RNGTT: variants seen among roughly 807,000 people sequenced by gnomAD.
RNGTT encodes the protein mRNA-capping enzyme.
Under a neutral mutation model 79.3 loss-of-function variants are expected in RNGTT, and 33 were observed. That is an observed-to-expected ratio of 0.42 (90% confidence interval 0.32 to 0.56). The LOEUF is 0.56. Among genes scored for constraint, RNGTT ranks in the 20% least tolerant of loss-of-function variants. RNGTT has a pLI of 0.17. For synonymous variants in RNGTT, 222 were observed against 235.9 expected, an observed-to-expected ratio of 0.94 and a Z score of 0.54; for missense variants, 497 against 739.1, an observed-to-expected ratio of 0.67 and a Z score of 3.80.
At chr6:88,886,331 A>G (rs1243817545) in intron 8 of RNGTT, among the ~76,000 whole-genome samples, 1 of 152,218 alleles carries the variant, frequency 6.6e-6, no homozygotes, top group Non-Finnish European at 1.5e-5. Context: ...TTGCAGAAAA[A>G]AGAAGAGACA....
At chr6:88,781,763 A>G (rs1779071459) in intron 12 of RNGTT, among the ~76,000 whole-genome samples, 1 of 152,092 alleles carries the variant, frequency 6.6e-6, no homozygotes, top group Non-Finnish European at 1.5e-5. Flanking sequence ...TAAACAAAAA[A>G]CTAGTTCATC....
intron 13 of RNGTT, among the ~76,000 whole-genome samples, chr6:88,683,348 G>A (rs1352642120): frequency 1.3e-5 from 2 of 151,992 alleles, no homozygotes; most frequent in Admixed American, 6.6e-5. Context: ...AGTTTCAAAA[G>A]TCAGAATAGA....
chr6:88,637,471 A>T (rs1174383469), intron 14 of RNGTT, among the ~76,000 whole-genome samples: 1 of 152,080 alleles, frequency 6.6e-6, no homozygotes, highest in East Asian at 1.9e-4. Context: ...TTTGAAACAG[A>T]ACGCTTTGAT....
intron 11 of RNGTT, among the ~76,000 whole-genome samples, chr6:88,838,861 C>T (rs182287465): frequency 4.7e-4 from 71 of 152,176 alleles, no homozygotes; most frequent in Non-Finnish European, 9.1e-4. Flanking sequence ...TCAAGATTTA[C>T]AACAACCAAA....
At chr6:88,810,238 A>G (rs1202663361) in intron 11 of RNGTT, among the ~76,000 whole-genome samples, 1 of 152,190 alleles carries the variant, frequency 6.6e-6, no homozygotes, top group Non-Finnish European at 1.5e-5. Flanking sequence ...CTCCCCTCCT[A>G]AGGCTAAGAC....
intron 1 of RNGTT, among the ~76,000 whole-genome samples, chr6:88,955,171 T>G (rs1785385532): frequency 1.3e-5 from 2 of 152,188 alleles, no homozygotes; most frequent in Admixed American, 6.5e-5. Context: ...TTAAAAATTT[T>G]TTGAACTGAA....
chr6:88,758,784 A>G (rs1218969052), intron 13 of RNGTT, among the ~76,000 whole-genome samples: 1 of 152,242 alleles, frequency 6.6e-6, no homozygotes, highest in Non-Finnish European at 1.5e-5. Flanking sequence ...CCACAGAAAG[A>G]CATTTACAAC....
chr6:88,681,993 A>AAAG (rs1775111362), intron 13 of RNGTT, among the ~76,000 whole-genome samples: 1 of 152,160 alleles, frequency 6.6e-6, no homozygotes, highest in African/African-American at 2.4e-5. Flanking sequence ...CCAAACACAA[A>AAAG]CATTAACCAA....
chr6:88,909,620 G>A (rs993644577), intron 4 of RNGTT, among the ~76,000 whole-genome samples: 19 of 152,174 alleles, frequency 1.2e-4, no homozygotes, highest in Non-Finnish European at 2.2e-4. Context: ...GCCAGTAGCT[G>A]AGGGGGATAC....
chr6:88,885,733 G>C (rs1239509629), intron 8 of RNGTT, among the ~76,000 whole-genome samples: 1 of 152,140 alleles, frequency 6.6e-6, no homozygotes, highest in East Asian at 1.9e-4. Flanking sequence ...AATAAATAAA[G>C]TACAAACCAA....
chr6:88,773,901 G>A (rs1217184813), intron 12 of RNGTT, among the ~76,000 whole-genome samples: 1 of 152,106 alleles, frequency 6.6e-6, no homozygotes, highest in African/African-American at 2.4e-5. Context: ...AGATTTGGCA[G>A]TAGATTTTTA....
intron 10 of RNGTT, among the ~76,000 whole-genome samples, chr6:88,846,984 T>C (rs1475299251): frequency 6.6e-6 from 1 of 152,156 alleles, no homozygotes; most frequent in Non-Finnish European, 1.5e-5. Flanking sequence ...TTTCTTTACA[T>C]TTATATTTCA....
At chr6:88,907,195 T>C (rs539163370) in intron 4 of RNGTT, among the ~76,000 whole-genome samples, 1 of 152,356 alleles carries the variant, frequency 6.6e-6, no homozygotes, top group South Asian at 2.1e-4. Flanking sequence ...TAACTACTGA[T>C]ATGGTTTGGC....
intron 10 of RNGTT, 148 bp downstream of exon 10, chr6:88,849,607 T>A: frequency 1.8e-6 from 1 of 550,928 alleles, no homozygotes; most frequent in South Asian, 5.3e-5. Flanking sequence ...AAAGGAGATA[T>A]AAAAGGATTA....
At chr6:88,680,068 AAAACAAAAAACT>A (rs1405052632) in intron 13 of RNGTT, among the ~76,000 whole-genome samples, 1 of 152,198 alleles carries the variant, frequency 6.6e-6, no homozygotes, top group Non-Finnish European at 1.5e-5. Flanking sequence ...ATCTAGAGTC[AAAACAAAAAACT>A]AAACAACAAC....
At chr6:88,833,482 T>G (rs1297199655) in intron 11 of RNGTT, among the ~76,000 whole-genome samples, 2 of 152,122 alleles carry the variant, frequency 1.3e-5, no homozygotes, top group African/African-American at 4.8e-5. Context: ...GATGACGGGT[T>G]GATGGGTGCA....
intron 13 of RNGTT, among the ~76,000 whole-genome samples, chr6:88,702,648 T>G (rs1244140847): frequency 6.6e-6 from 1 of 152,046 alleles, no homozygotes; most frequent in Admixed American, 6.6e-5. Flanking sequence ...ATACTGGCCT[T>G]GGGAAAGAAT....
intron 4 of RNGTT, among the ~76,000 whole-genome samples, chr6:88,910,264 A>G (rs1318571925): frequency 6.6e-6 from 1 of 152,222 alleles, no homozygotes; most frequent in Non-Finnish European, 1.5e-5. Context: ...TTGGAATATA[A>G]CATAGCTATA....
chr6:88,904,590 G>T, intron 6 of RNGTT, 125 bp downstream of exon 6: 1 of 1,173,834 alleles, frequency 8.5e-7, no homozygotes, highest in African/African-American at 1.6e-5. Flanking sequence ...TTTTTAGAAA[G>T]GGCTAGGATG....
Sources: allele counts gnomAD v4.1 joint callset (sites outside exome capture counted in the v4.1 genomes callset), GRCh38; gene constraint gnomAD v4.1.1; transcripts MANE v1.5; gene names NCBI Gene and HGNC (gene_info 2026-07-23, HGNC 2026-07-21).